The following ZNF516 variants were observed in gnomAD, a reference collection of about 807,000 sequenced individuals.
ZNF516 encodes the protein zinc finger protein 516.
ZNF516 carries 19 observed loss-of-function variants against 79.7 expected under a neutral mutation model. That is an observed-to-expected ratio of 0.24 (90% confidence interval 0.17 to 0.35). The LOEUF is 0.35. Among genes scored for constraint, ZNF516 ranks in the 10% least tolerant of loss-of-function variants. ZNF516 has a pLI of 1.00. For synonymous variants in ZNF516, 877 were observed against 739.5 expected (o/e 1.19, Z -3.02); for missense variants, 1,678 against 1,679.5 (o/e 1.00, Z 0.02).
rs1383923113 is a variant in ZNF516, at chr18:76,451,444, G to A, written c.-157-8233C>T. 6.6e-6 allele frequency among the ~76,000 whole-genome samples: 1 copy of A among 152,208 alleles called. No individual in the cohort carries two copies. Among genetic ancestry groups the A allele is most frequent in the Non-Finnish European group, 1.5e-5 (1 of 68,050 alleles). The stretch of plus-strand genomic sequence containing the variant: ...GAGTGAACGGGAGGAATTGGGGAGG[G>A]AGGGAAAACGCCAAAAAGCTCAAAG... On this transcript the variant is annotated intron_variant, in intron 2 of 6. Transcript: ENST00000443185. The surrounding 1 kb of genome is among the most constrained non-coding windows in gnomAD (Gnocchi z 6.0).
intron 2 of ZNF516, among the ~76,000 whole-genome samples, chr18:76,456,591 G>A (rs1193867332): frequency 6.6e-6 from 1 of 152,138 alleles, no homozygotes; most frequent in Non-Finnish European, 1.5e-5. Flanking sequence ...CACAGCCCAG[G>A]CTTCCTCCCG....
chr18:76,383,585 T>C (rs1290913166), intron 3 of ZNF516, among the ~76,000 whole-genome samples: 1 of 85,210 alleles, frequency 1.2e-5, no homozygotes, highest in South Asian at 4.0e-4. Flanking sequence ...AGGACCCTCT[T>C]CCCCACCAGG....
intron 3 of ZNF516, among the ~76,000 whole-genome samples, chr18:76,383,470 C>T (rs2074927349): frequency 6.8e-6 from 1 of 147,696 alleles, no homozygotes; most frequent in Admixed American, 6.7e-5. Flanking sequence ...CCACACCAGG[C>T]ACCTTCTCAG....
intron 6 of ZNF516, among the ~76,000 whole-genome samples, chr18:76,365,651 A>C (rs1159103772): frequency 6.6e-6 from 1 of 152,230 alleles, no homozygotes; most frequent in Non-Finnish European, 1.5e-5. Context: ...TTTGATTTGG[A>C]GGATCAGCGG....
chr18:76,422,665 C>A (rs2145387131), intron 3 of ZNF516, among the ~76,000 whole-genome samples: 1 of 152,074 alleles, frequency 6.6e-6, no homozygotes, highest in East Asian at 1.9e-4. Context: ...AGGGCTCCAG[C>A]CAAGGGGCAA....
chr18:76,379,045 G>A lies in ZNF516; in HGVS notation c.3069C>T (p.Asp1023=), dbSNP rs371747570. ...CGCCGGGCTGGGCCTGCAAGGCCGC[G>A]TCGCCCCTGGACCCCGCAGCACAGG... ...LATCAAGSRG[D]AALQAQPGVA... The change falls in exon 4 of 7, where the codon GAC becomes GAT. Residue 1023 remains aspartate (D), a synonymous_variant. Coordinates refer to ENST00000443185, the MANE Select transcript of ZNF516 (RefSeq NM_014643.4). 17 of 1,610,484 alleles carry A rather than the reference G, an allele frequency of 1.1e-5. No individual in the cohort carries two copies. Among genetic ancestry groups the A allele is most frequent in the African/African-American group, 9.3e-5 (7 of 74,890 alleles).
In ZNF516 at chr18:76,459,104, A is replaced by G. The variant is rs1912933775; in HGVS notation, c.-158+3924T>C. ...CAAACACGCATGTCCACTTCCAACAATCTACCAGCAACACTCGTGCCCATG... is the reference window on the plus strand; with the variant it reads ...CAAACACGCATGTCCACTTCCAACAGTCTACCAGCAACACTCGTGCCCATG... On this transcript the variant is annotated intron_variant, in intron 2 of 6. Coordinates refer to ENST00000443185, the MANE Select transcript of ZNF516 (RefSeq NM_014643.4). The surrounding 1 kb of genome is among the most constrained non-coding windows in gnomAD (Gnocchi z 5.0). 6.6e-6 allele frequency among the ~76,000 whole-genome samples: 1 copy of G among 152,190 alleles called. No homozygotes were observed. The highest frequency in any genetic ancestry group is 2.1e-4 in the South Asian group (1 of 4,834).
chr18:76,466,901 G>A (rs573047629), intron 1 of ZNF516, among the ~76,000 whole-genome samples: 4 of 152,342 alleles, frequency 2.6e-5, no homozygotes, highest in East Asian at 3.9e-4. Flanking sequence ...GGCGGTGAAC[G>A]TGGGGAGCAA....
chr18:76,382,217 C>T (rs538841284), intron 3 of ZNF516, among the ~76,000 whole-genome samples: 8 of 152,168 alleles, frequency 5.3e-5, no homozygotes, highest in East Asian at 3.9e-4. Flanking sequence ...CTGTTATACG[C>T]ACACAGTGGT....
intron 2 of ZNF516, among the ~76,000 whole-genome samples, chr18:76,448,115 G>A (rs942857022): frequency 6.6e-6 from 1 of 152,132 alleles, no homozygotes; most frequent in Non-Finnish European, 1.5e-5. Flanking sequence ...AGAGTCTGAA[G>A]AAAGGACAAA....
At chr18:76,403,253 C>G (rs78976927) in intron 3 of ZNF516, among the ~76,000 whole-genome samples, 2,638 of 152,306 alleles carry the variant, frequency 0.017, 75 homozygotes, top group African/African-American at 0.059. Context: ...TTCCCTTGCC[C>G]AGGGCTGCCT....
intron 3 of ZNF516, among the ~76,000 whole-genome samples, chr18:76,391,910 AG>A (rs954183841): frequency 3.3e-5 from 5 of 152,140 alleles, no homozygotes; most frequent in Admixed American, 2.0e-4. Context: ...GAGGCCGGGC[AG>A]GTAGGCCCAC....
Position 76,467,657 on chromosome 18 carries a change from C to A in ZNF516, c.-271-4516G>T, listed in dbSNP as rs558685146. On this transcript the variant is annotated intron_variant, in intron 1 of 6. Coordinates refer to ENST00000443185, the MANE Select transcript of ZNF516 (RefSeq NM_014643.4). This position sits in a 1 kb window ranked among gnomAD's most constrained non-coding sequence, Gnocchi z 4.2. Reference sequence around the variant, plus strand: ...ACTGGGATCTTGAGAAAGACAACAGCCCCAGCCCACTCAAAGGCTACACCT... The same window carrying A: ...ACTGGGATCTTGAGAAAGACAACAGACCCAGCCCACTCAAAGGCTACACCT... 1.1e-4 allele frequency among the ~76,000 whole-genome samples: 16 copies of A among 152,322 alleles called. No individual in the cohort carries two copies. In the South Asian group the frequency reaches 3.3e-3, roughly 32 times the overall value.
intron 2 of ZNF516, among the ~76,000 whole-genome samples, chr18:76,452,116 A>ACCT (rs1407457676): frequency 6.6e-6 from 1 of 151,638 alleles, no homozygotes; most frequent in East Asian, 1.9e-4. Context: ...AACTCCACCC[A>ACCT]CCTCCCCCAC....
chr18:76,473,170 T>G (rs989732296), intron 1 of ZNF516, among the ~76,000 whole-genome samples: 1 of 151,772 alleles, frequency 6.6e-6, no homozygotes, highest in Non-Finnish European at 1.5e-5. Context: ...ACAAGAAATA[T>G]AATTCATATT....
chr18:76,399,601 A>T (rs1238268092), intron 3 of ZNF516, among the ~76,000 whole-genome samples: 1 of 152,240 alleles, frequency 6.6e-6, no homozygotes, highest in Non-Finnish European at 1.5e-5. Flanking sequence ...AAGGCAGCTC[A>T]TCTCAGCGAA....
chr18:76,475,548 T>C lies in ZNF516; in HGVS notation c.-271-12407A>G, dbSNP rs1198726642. On this transcript the variant is annotated intron_variant, in intron 1 of 6. Transcript: ENST00000443185. ...AAACTCGTATATTAGTAAAGTTCCC[T>C]GCACGCTAAGAGAAAGCTGATAGCA... Among the ~76,000 whole-genome samples, 3 of 152,220 alleles carry C rather than the reference T, an allele frequency of 2.0e-5. No homozygotes were observed. In the East Asian group the frequency reaches 5.8e-4, roughly 29 times the overall value.
Position 76,379,017 on chromosome 18 carries a change from C to A in ZNF516, c.3097G>T (p.Ala1033Ser), listed in dbSNP as rs1454976705. 4 of 1,608,414 alleles carry A rather than the reference C, an allele frequency of 2.5e-6. No homozygotes were observed. In the East Asian group the frequency reaches 9.0e-5, roughly 36 times the overall value. Residue 1033 changes from alanine (A) to serine (S), a missense_variant, in exon 4 of 7, where the codon GCT (alanine) becomes TCT (serine). By Grantham distance (99) the Ala-to-Ser change is moderately conservative. Around this residue, in one of 5 missense-constraint regions of ZNF516, gnomAD observed 1,294 missense variants for 1,248.3 expected, o/e 1.04. Coordinates refer to ENST00000443185, the MANE Select transcript of ZNF516 (RefSeq NM_014643.4). The part of the protein sequence containing the change: ...DAALQAQPGV[A>S]GAPPVLHSIK... Reference sequence around the variant, plus strand: ...GAGTGTAGGACGGGGGGCGCCCCAGCCACGCCGGGCTGGGCCTGCAAGGCC... The same window carrying A: ...GAGTGTAGGACGGGGGGCGCCCCAGACACGCCGGGCTGGGCCTGCAAGGCC...
chr18:76,391,567 G>T (rs149615804), intron 3 of ZNF516, among the ~76,000 whole-genome samples: 1 of 152,132 alleles, frequency 6.6e-6, no homozygotes, highest in African/African-American at 2.4e-5. Flanking sequence ...TCCCTCTGTC[G>T]CTGTGGACTT....
Sources: gnomAD v4.1 joint callset for allele counts (sites outside exome capture counted in the v4.1 genomes callset) on GRCh38, gnomAD v4.1.1 for gene constraint, gnomAD v4.1.1 regional missense constraint, Gnocchi (gnomAD v3.1) non-coding constraint, MANE v1.5 for transcripts, NCBI Gene and HGNC (gene_info 2026-07-23, HGNC 2026-07-21) for gene names.